CSMD1: variants seen among roughly 807,000 people sequenced by gnomAD.
CSMD1 encodes CUB and Sushi multiple domains 1.
Under a neutral mutation model 417.5 loss-of-function variants are expected in CSMD1, and 213 were observed. That is an observed-to-expected ratio of 0.51 (90% CI 0.46 to 0.57). The LOEUF (loss-of-function observed/expected upper bound fraction) is 0.57, where lower values mean the gene tolerates loss of function less well. Among genes scored for constraint, CSMD1 ranks in the 20% least tolerant of loss-of-function variants. CSMD1 has a pLI of 0.00. For missense variants in CSMD1, 6,923 were observed against 4,529.7 expected, an observed-to-expected ratio of 1.53 and a Z score of -15.17; for synonymous variants, 2,862 against 1,736.8, an observed-to-expected ratio of 1.65 and a Z score of -16.11.
intron 3 of CSMD1, among the ~76,000 whole-genome samples, chr8:4,096,096 C>CTGT (rs1197986523): frequency 1.4e-4 from 21 of 152,008 alleles, no homozygotes; most frequent in Admixed American, 1.4e-3. Flanking sequence ...TATCACAAGA[C>CTGT]TGTTGTTGGA....
intron 5 of CSMD1, among the ~76,000 whole-genome samples, chr8:3,934,024 A>G (rs1424213207): frequency 6.6e-6 from 1 of 152,156 alleles, no homozygotes; most frequent in African/African-American, 2.4e-5. Flanking sequence ...TGAATCCACA[A>G]TGAGTAGGAA....
chr8:4,901,671 A>G (rs1461268279), intron 1 of CSMD1, among the ~76,000 whole-genome samples: 1 of 152,206 alleles, frequency 6.6e-6, no homozygotes, highest in Non-Finnish European at 1.5e-5. Flanking sequence ...TGTAGCTTTA[A>G]AAAATCCAAC....
chr8:4,416,755 T>G (rs568787539), intron 3 of CSMD1, among the ~76,000 whole-genome samples: 1 of 152,134 alleles, frequency 6.6e-6, no homozygotes, highest in African/African-American at 2.4e-5. Flanking sequence ...CTTTGTCTCA[T>G]GTCAATTTTC....
chr8:4,141,836 A>C (rs1803810040), intron 3 of CSMD1, among the ~76,000 whole-genome samples: 1 of 151,138 alleles, frequency 6.6e-6, no homozygotes, highest in Non-Finnish European at 1.5e-5. Flanking sequence ...TTCATCATTT[A>C]TCGTGACTAA....
intron 5 of CSMD1, among the ~76,000 whole-genome samples, chr8:3,805,225 A>G (rs1800664396): frequency 6.6e-6 from 1 of 152,124 alleles, no homozygotes; most frequent in Non-Finnish European, 1.5e-5. Flanking sequence ...TTCCTGCGGG[A>G]CACCAGCATC....
chr8:4,654,866 G>C (rs1018323301), intron 1 of CSMD1, among the ~76,000 whole-genome samples: 1 of 152,018 alleles, frequency 6.6e-6, no homozygotes, highest in Non-Finnish European at 1.5e-5. Context: ...TATTTGGAAA[G>C]GGGCAAAGGG....
At chr8:3,927,134 A>G (rs911087687) in intron 5 of CSMD1, among the ~76,000 whole-genome samples, 9 of 151,994 alleles carry the variant, frequency 5.9e-5, no homozygotes, top group African/African-American at 2.2e-4. Context: ...ATAAATTATT[A>G]TAAATAAAAG....
chr8:4,233,591 G>T (rs571581943), intron 3 of CSMD1, among the ~76,000 whole-genome samples: 24 of 152,182 alleles, frequency 1.6e-4, no homozygotes, highest in Non-Finnish European at 2.9e-4. Flanking sequence ...CTATGAACCA[G>T]GAAATGATCC....
intron 5 of CSMD1, among the ~76,000 whole-genome samples, chr8:3,869,930 A>C (rs966698828): frequency 4.6e-5 from 7 of 151,870 alleles, no homozygotes; most frequent in African/African-American, 1.2e-4. Context: ...TTCCTTAAGC[A>C]AAAGAGAGTG....
At chr8:4,193,225 C>G (rs1799134956) in intron 3 of CSMD1, among the ~76,000 whole-genome samples, 1 of 152,016 alleles carries the variant, frequency 6.6e-6, no homozygotes, top group Non-Finnish European at 1.5e-5. Context: ...TTGTAGCTGC[C>G]ACAAACGTAA....
rs28751998 is a variant in CSMD1 at position 4,904,132 on chromosome 8, T to C, written c.85+90200A>G. On this transcript the variant is annotated intron_variant, in intron 1 of 69. Coordinates refer to ENST00000635120, the MANE Select transcript of CSMD1 (RefSeq NM_033225.6). ...TTCCAATGTATGTTAGAATCATTTCTGGAGTCAGAGGAAGTCAGGGCAGGT... is the reference window on the plus strand; with the variant it reads ...TTCCAATGTATGTTAGAATCATTTCCGGAGTCAGAGGAAGTCAGGGCAGGT... Among the ~76,000 whole-genome samples, 1,208 of 152,276 alleles carry C rather than the reference T, an allele frequency of 7.9e-3. 11 individuals are homozygous for C. The highest frequency in any genetic ancestry group is 0.017 in the African/African-American group (727 of 41,560).
At chr8:4,196,039 G>A (rs1012501916) in intron 3 of CSMD1, among the ~76,000 whole-genome samples, 1 of 152,068 alleles carries the variant, frequency 6.6e-6, no homozygotes, top group African/African-American at 2.4e-5. Flanking sequence ...GTGAAACCTC[G>A]TCTCTACTGA....
intron 7 of CSMD1, among the ~76,000 whole-genome samples, chr8:3,683,513 G>C (rs1039652594): frequency 6.6e-6 from 1 of 152,142 alleles, no homozygotes; most frequent in Non-Finnish European, 1.5e-5. Context: ...CTCACTTGGA[G>C]GGGGAGGTAT....
chr8:4,511,901 G>C (rs1453014033), intron 2 of CSMD1, among the ~76,000 whole-genome samples: 1 of 152,108 alleles, frequency 6.6e-6, no homozygotes, highest in Non-Finnish European at 1.5e-5. Flanking sequence ...GAGGGGAAAA[G>C]GAACCATTTT....
chr8:3,574,142 G>A (rs999431850), intron 10 of CSMD1, among the ~76,000 whole-genome samples: 1 of 152,278 alleles, frequency 6.6e-6, no homozygotes, highest in South Asian at 2.1e-4. Context: ...AAGTATTTAA[G>A]AAAGAGGAAA....
intron 3 of CSMD1, among the ~76,000 whole-genome samples, chr8:4,275,976 T>C (rs1185532126): frequency 6.6e-6 from 1 of 152,208 alleles, no homozygotes; most frequent in Admixed American, 6.6e-5. Flanking sequence ...AAACAGCAGA[T>C]GCTGGAGAGA....
At chr8:3,840,200 A>C (rs1563133949) in intron 5 of CSMD1, among the ~76,000 whole-genome samples, 1 of 152,154 alleles carries the variant, frequency 6.6e-6, no homozygotes, top group African/African-American at 2.4e-5. Flanking sequence ...AAAGTAACTA[A>C]ATGCTTCTGT....
At chr8:4,053,232 G>A (rs1185027112) in intron 3 of CSMD1, among the ~76,000 whole-genome samples, 1 of 152,202 alleles carries the variant, frequency 6.6e-6, no homozygotes, top group Admixed American at 6.5e-5. Flanking sequence ...ACAGCACCGT[G>A]TGTTTAGAAC....
intron 2 of CSMD1, among the ~76,000 whole-genome samples, chr8:4,547,706 A>G (rs998827391): frequency 1.3e-5 from 2 of 152,246 alleles, no homozygotes; most frequent in African/African-American, 4.8e-5. Flanking sequence ...AAAGTCTCTT[A>G]TCTGGAGTAG....
Sources: allele counts gnomAD v4.1 joint callset (sites outside exome capture counted in the v4.1 genomes callset), GRCh38; gene constraint gnomAD v4.1.1; transcripts MANE v1.5; gene names NCBI Gene and HGNC (gene_info 2026-07-23, HGNC 2026-07-21).